Variants in CD5L observed in about 807,000 individuals in gnomAD.
CD5L encodes the protein CD5 molecule like.
Under a neutral mutation model 40.8 loss-of-function variants are expected in CD5L, and 39 were observed. That is an observed-to-expected ratio of 0.96 (90% CI 0.74 to 1.25). The LOEUF is 1.25. Ranked by LOEUF, CD5L falls within the 50% of genes most tolerant of loss-of-function variation. The pLI is 0.00. For missense variants in CD5L, 433 were observed against 435.9 expected (o/e 0.99, Z 0.06); for synonymous variants, 192 against 169.6 (o/e 1.13, Z -1.03).
chr1:157,829,071 C>A (rs1655976298), downstream of CD5L, among the ~76,000 whole-genome samples: 1 of 152,206 alleles, frequency 6.6e-6, no homozygotes, highest in East Asian at 1.9e-4. Context: ...AGACTTACCA[C>A]AGTTTAGTAA....
At chr1:157,830,158 G>C (rs1373934674), downstream of CD5L, among the ~76,000 whole-genome samples, 1 of 152,174 alleles carries the variant, frequency 6.6e-6, no homozygotes, top group Non-Finnish European at 1.5e-5. Flanking sequence ...CAGTATTCAA[G>C]AGTCTAGCTC....
At chr1:157,837,136 G>A (rs1297920596) in intron 2 of CD5L, among the ~76,000 whole-genome samples, 1 of 151,916 alleles carries the variant, frequency 6.6e-6, no homozygotes, top group Non-Finnish European at 1.5e-5. Flanking sequence ...GCCAGAAATC[G>A]CTCAAACTCA....
downstream of CD5L, among the ~76,000 whole-genome samples, chr1:157,828,787 C>G (rs1286754963): frequency 1.3e-5 from 2 of 152,168 alleles, no homozygotes; most frequent in Non-Finnish European, 2.9e-5. Flanking sequence ...GGAATGTAAG[C>G]TAAATGTTGG....
rs1027746524 is a variant in CD5L at position 157,838,835 on chromosome 1, C to T, written c.55+549G>A. On this transcript the variant is annotated intron_variant, in intron 2 of 5. Coordinates refer to ENST00000368174, the MANE Select transcript of CD5L (RefSeq NM_005894.3). ...TATACAAGAAACTGATAATCCACAACCCATAGCCTCCCTCTTCTATAAACT... is the reference window on the plus strand; with the variant it reads ...TATACAAGAAACTGATAATCCACAATCCATAGCCTCCCTCTTCTATAAACT... Among the ~76,000 whole-genome samples, 117 of 152,226 alleles carry T rather than the reference C, an allele frequency of 7.7e-4. 1 individual carries two copies. The highest frequency in any genetic ancestry group is 2.6e-3 in the African/African-American group (110 of 41,538).
downstream of CD5L, among the ~76,000 whole-genome samples, chr1:157,830,212 AG>A: frequency 6.6e-6 from 1 of 152,342 alleles, no homozygotes; most frequent in South Asian, 2.1e-4. Context: ...TGAATAATGC[AG>A]GGTAAACATG....
intron 2 of CD5L, among the ~76,000 whole-genome samples, chr1:157,837,807 A>C (rs1656260484): frequency 7.5e-6 from 1 of 132,740 alleles, no homozygotes; most frequent in East Asian, 2.2e-4. Flanking sequence ...ACAGAGTCTC[A>C]CTCTGTCGCC....
chr1:157,836,069 C>A lies in CD5L; in HGVS notation c.142G>T (p.Val48Leu), dbSNP rs527891722. Residue 48 changes from valine (V) to leucine (L), a missense_variant, in exon 3 of 6, where the codon GTG (valine) becomes TTG (leucine). Coordinates refer to ENST00000368174, the MANE Select transcript of CD5L (RefSeq NM_005894.3). ...EVEQKGQWGTVCDDGWDIKDV... is the reference protein window; with the variant it reads ...EVEQKGQWGTLCDDGWDIKDV... ...TTAATGTCCCAGCCGTCATCACACACGGTGCCCCACTGGCCTTTCTGTTCC... is the reference window on the plus strand; with the variant it reads ...TTAATGTCCCAGCCGTCATCACACAAGGTGCCCCACTGGCCTTTCTGTTCC... 3 of 1,614,118 alleles carry A rather than the reference C, an allele frequency of 1.9e-6. No homozygotes were observed. In the Admixed American group the frequency reaches 5.0e-5, roughly 27 times the overall value.
chr1:157,833,123 C>T, intron 5 of CD5L, 69 bp downstream of exon 5: 2 of 1,230,734 alleles, frequency 1.6e-6, no homozygotes, highest in African/African-American at 1.5e-5. Context: ...CCAGAGTACA[C>T]CCCCATCATT....
rs189312415 is a variant in CD5L, at chr1:157,834,957, T to C, written c.377-209A>G. ...TTCCAAATTCAAAGCTGAATCATTATCATTTCTGTAGCATTTTAATTTTTC... is the reference window on the plus strand; with the variant it reads ...TTCCAAATTCAAAGCTGAATCATTACCATTTCTGTAGCATTTTAATTTTTC... On this transcript the variant is annotated intron_variant, in intron 3 of 5. Coordinates refer to ENST00000368174, the MANE Select transcript of CD5L (RefSeq NM_005894.3). 2.0e-5 allele frequency among the ~76,000 whole-genome samples: 3 copies of C among 152,358 alleles called. No individual in the cohort carries two copies. In the East Asian group the frequency reaches 5.8e-4, roughly 29 times the overall value.
intron 5 of CD5L, among the ~76,000 whole-genome samples, chr1:157,832,626 T>C (rs904972205): frequency 2.6e-5 from 4 of 152,206 alleles, no homozygotes; most frequent in African/African-American, 9.6e-5. Context: ...AACTCTCTTA[T>C]GGGCATTCTC....
At chr1:157,841,295 T>C (rs1656363878) in intron 1 of CD5L, among the ~76,000 whole-genome samples, 2 of 152,108 alleles carry the variant, frequency 1.3e-5, no homozygotes, top group South Asian at 4.1e-4. Context: ...AACCAGACAA[T>C]ATGATCAATG....
chr1:157,836,419 G>C (rs1383157550), intron 2 of CD5L, among the ~76,000 whole-genome samples: 2 of 152,182 alleles, frequency 1.3e-5, no homozygotes, highest in East Asian at 3.8e-4. Flanking sequence ...TTTTCAGATT[G>C]AAGATTAAGG....
intron 2 of CD5L, among the ~76,000 whole-genome samples, chr1:157,838,241 G>A (rs1011306535): frequency 5.9e-5 from 9 of 152,028 alleles, no homozygotes; most frequent in African/African-American, 1.2e-4. Context: ...TATATAAACC[G>A]TAAAAAACTA....
Position 157,836,082 on chromosome 1 carries a change from G to A in CD5L, c.129C>T (p.Gly43=). ...CEGRVEVEQK[G]QWGTVCDDGW... is the part of the protein sequence containing the mutation. ...CGTCATCACACACGGTGCCCCACTG[G>A]CCTTTCTGTTCCACCTCCACCCGCC... Residue 43 remains glycine, a synonymous_variant, in exon 3 of 6, where the codon GGC becomes GGT. Transcript: ENST00000368174. The A allele has an allele frequency of 6.2e-7, 1 of 1,614,012 alleles. No individual in the cohort carries two copies. The highest frequency in any genetic ancestry group is 8.5e-7 in the Non-Finnish European group (1 of 1,180,026).
Position 157,841,536 on chromosome 1 carries a change from T to C in CD5L, c.28+138A>G, listed in dbSNP as rs538858448. 1.9e-5 allele frequency: 13 copies of C among 693,864 alleles called. No individual in the cohort carries two copies. The South Asian group carries it at 2.7e-4, about 14-fold the overall frequency. 43.0% of individuals were successfully genotyped at this position (693,864 alleles called of 1,614,324 possible). Reference sequence around the variant, plus strand: ...AGCGGCTTTTTAAGGATTAGAATAGTTACCAAATGTAAAAAGGAGGAAGAA... The same window carrying C: ...AGCGGCTTTTTAAGGATTAGAATAGCTACCAAATGTAAAAAGGAGGAAGAA... On this transcript the variant is annotated intron_variant, in intron 1 of 5. Coordinates refer to ENST00000368174, the MANE Select transcript of CD5L (RefSeq NM_005894.3).
In CD5L at chr1:157,837,483, A is replaced by T. The variant is rs184069535; in HGVS notation, c.56-1328T>A. Among the ~76,000 whole-genome samples, 180 of 152,318 alleles carry T rather than the reference A, an allele frequency of 1.2e-3. 1 individual carries two copies. Among genetic ancestry groups the T allele is most frequent in the African/African-American group, 4.0e-3 (168 of 41,572 alleles). ...CTGCAGCCTCAGAGCAATATAGCAGAGGCTGAATTTGCCATGCTTACATGG... is the reference window on the plus strand; with the variant it reads ...CTGCAGCCTCAGAGCAATATAGCAGTGGCTGAATTTGCCATGCTTACATGG... On this transcript the variant is annotated intron_variant, in intron 2 of 5. Coordinates refer to ENST00000368174, the MANE Select transcript of CD5L (RefSeq NM_005894.3).
In CD5L at chr1:157,831,835, C is replaced by A. The variant is rs1343007626; in HGVS notation, c.*129G>T. 2.1e-6 allele frequency: 3 copies of A among 1,442,934 alleles called. No homozygotes were observed. Among genetic ancestry groups the A allele is most frequent in the Non-Finnish European group, 2.7e-6 (3 of 1,099,264 alleles). 89.4% of individuals were successfully genotyped at this position (1,442,934 alleles called of 1,614,324 possible). ...GTAAGGCATAAGCCCAGTGTTCAGACTCCTGAGGGGATGAGGGAGTAGTGG... is the reference window on the plus strand; with the variant it reads ...GTAAGGCATAAGCCCAGTGTTCAGAATCCTGAGGGGATGAGGGAGTAGTGG... On this transcript the variant is annotated 3_prime_UTR_variant, in exon 6 of 6. Transcript: ENST00000368174.
intron 2 of CD5L, 52 bp downstream of exon 2, chr1:157,839,332 T>C (rs919025076): frequency 1.6e-5 from 25 of 1,578,582 alleles, no homozygotes; most frequent in Non-Finnish European, 2.2e-5. Flanking sequence ...CTTCAAAATT[T>C]TCCCTCTCCT....
At position 157,833,445 on chromosome 1, in the gene CD5L, C is replaced by A; in HGVS notation, c.786G>T (p.Lys262Asn). ...LCSGRLEVLH[K>N]GVWGSVCDDN... ...CATCACAGACAGAGCCCCATACGCC[C>A]TTGTGCAGCACCTCCAGTCGCCCAG... The change falls in exon 5 of 6, where the codon AAG becomes AAT. Residue 262 changes from lysine to asparagine, a missense_variant. Physicochemically the swap from Lys to Asn is moderately conservative, Grantham distance 94. Coordinates refer to ENST00000368174, the MANE Select transcript of CD5L (RefSeq NM_005894.3). The A allele has an allele frequency of 6.2e-7, 1 of 1,614,180 alleles. No homozygotes were observed. The highest frequency in any genetic ancestry group is 8.5e-7 in the Non-Finnish European group (1 of 1,180,032).
Sources: gnomAD v4.1 joint callset for allele counts (sites outside exome capture counted in the v4.1 genomes callset) on GRCh38, gnomAD v4.1.1 for gene constraint, MANE v1.5 for transcripts, NCBI Gene and HGNC (gene_info 2026-07-23, HGNC 2026-07-21) for gene names.